The following DCC variants were observed in gnomAD, a reference collection of about 807,000 sequenced individuals.
The protein encoded by DCC is DCC netrin 1 receptor.
DCC carries 58 observed loss-of-function variants against 172.5 expected under a neutral mutation model. That is an observed-to-expected ratio of 0.34 (90% confidence interval 0.27 to 0.42). The LOEUF (loss-of-function observed/expected upper bound fraction) is 0.42. Ranked by LOEUF, DCC falls within the 10% of genes least tolerant of loss-of-function variation. The pLI is 1.00. For synonymous variants in DCC, 709 were observed against 644.5 expected, an observed-to-expected ratio of 1.10 and a Z score of -1.52; for missense variants, 1,740 against 1,791.0, an observed-to-expected ratio of 0.97 and a Z score of 0.51.
chr18:53,404,750 A>T (rs1972043), intron 19 of DCC, among the ~76,000 whole-genome samples: 63,641 of 140,128 alleles, frequency 0.45, 15,188 homozygotes, highest in Non-Finnish European at 0.6. Context: ...AAAATAAAAT[A>T]AAAAATTAAA....
intron 1 of DCC, among the ~76,000 whole-genome samples, chr18:52,691,750 A>G (rs2035932780): frequency 6.6e-6 from 1 of 152,152 alleles, no homozygotes; most frequent in Non-Finnish European, 1.5e-5. Context: ...TAGAAACACC[A>G]TTGTACGGGG....
intron 5 of DCC, among the ~76,000 whole-genome samples, chr18:52,976,726 CT>C (rs1358563750): frequency 6.6e-6 from 1 of 152,194 alleles, no homozygotes; most frequent in Non-Finnish European, 1.5e-5. Context: ...TTTCTTCCCC[CT>C]GAGGATATTC....
intron 1 of DCC, among the ~76,000 whole-genome samples, chr18:52,456,949 G>T (rs1294371752): frequency 6.7e-6 from 1 of 148,414 alleles, no homozygotes; most frequent in Non-Finnish European, 1.5e-5. Context: ...TTTCATACTT[G>T]TTTTTTTTTT....
intron 26 of DCC, among the ~76,000 whole-genome samples, chr18:53,495,389 CAAAAAAA>C (rs71179511): frequency 4.3e-5 from 5 of 116,690 alleles, no homozygotes; most frequent in South Asian, 6.0e-4. Context: ...GACTCCATCT[CAAAAAAA>C]AAAAAAAAAA....
intron 1 of DCC, among the ~76,000 whole-genome samples, chr18:52,658,615 G>A (rs987983283): frequency 6.6e-6 from 1 of 152,036 alleles, no homozygotes; most frequent in Non-Finnish European, 1.5e-5. Context: ...AATATGATGA[G>A]ATTAAAAGGT....
intron 1 of DCC, among the ~76,000 whole-genome samples, chr18:52,734,937 G>A (rs1283305544): frequency 6.6e-6 from 1 of 152,120 alleles, no homozygotes; most frequent in Non-Finnish European, 1.5e-5. Flanking sequence ...TGACATAAAT[G>A]TTTGAAAGCC....
chr18:53,304,803 TAAA>T (rs2057180229), intron 12 of DCC, among the ~76,000 whole-genome samples: 1 of 152,198 alleles, frequency 6.6e-6, no homozygotes, highest in Admixed American at 6.5e-5. Context: ...TATTGTCTCT[TAAA>T]AACGTATTTA....
chr18:52,557,634 T>A (rs2032945218), intron 1 of DCC, among the ~76,000 whole-genome samples: 1 of 152,226 alleles, frequency 6.6e-6, no homozygotes, highest in Non-Finnish European at 1.5e-5. Flanking sequence ...TCTGAATTCA[T>A]TCATTCCACA....
At chr18:52,348,795 A>T (rs1983991159) in intron 1 of DCC, among the ~76,000 whole-genome samples, 1 of 152,194 alleles carries the variant, frequency 6.6e-6, no homozygotes, top group African/African-American at 2.4e-5. Context: ...GCACCTTCCC[A>T]AAATGTACAC....
intron 7 of DCC, among the ~76,000 whole-genome samples, chr18:53,107,647 C>T (rs140432960): frequency 6.6e-6 from 1 of 151,382 alleles, no homozygotes; most frequent in African/African-American, 2.4e-5. Context: ...AGGGAGATGA[C>T]CTGATTAAGA....
intron 1 of DCC, among the ~76,000 whole-genome samples, chr18:52,691,579 G>C (rs939940968): frequency 1.3e-5 from 2 of 152,024 alleles, no homozygotes; most frequent in African/African-American, 2.4e-5. Flanking sequence ...AATCTCAGGG[G>C]GGCTTCTTCC....
chr18:52,671,497 C>T (rs368536485), intron 1 of DCC, among the ~76,000 whole-genome samples: 19 of 151,326 alleles, frequency 1.3e-4, no homozygotes, highest in African/African-American at 2.4e-4. Context: ...CTTTTTTCCC[C>T]GTCACAATAG....
intron 5 of DCC, among the ~76,000 whole-genome samples, chr18:52,955,059 T>C (rs1428453072): frequency 6.6e-6 from 1 of 152,160 alleles, no homozygotes; most frequent in East Asian, 1.9e-4. Context: ...GAGACATGAT[T>C]ATCACCCAAG....
At chr18:53,452,890 GGTTTGTTTGTTT>G (rs10553364) in intron 23 of DCC, among the ~76,000 whole-genome samples, 21 of 150,294 alleles carry the variant, frequency 1.4e-4, no homozygotes, top group Admixed American at 2.0e-4. Flanking sequence ...AGTTTAGTGG[GGTTTGTTTGTTT>G]GTTTGTTTGT....
At position 53,354,973 on chromosome 18, in the gene DCC, G is replaced by A. The variant is rs553098887; in HGVS notation, c.2359+15066G>A. Among the ~76,000 whole-genome samples the A allele has an allele frequency of 1.3e-3, 199 of 151,926 alleles. 1 individual carries two copies. The South Asian group carries it at 0.015, about 11-fold the overall frequency. ...TGTATAAGGTGTAAGGAAGGGATCC[G>A]GTTTCAGCTTTCTACATATGGCTAG... On this transcript the variant is annotated intron_variant, in intron 15 of 28. Transcript: ENST00000442544.
At chr18:53,207,565 G>A (rs1038815641) in intron 10 of DCC, 114 bp from the exon 11 acceptor site, 154 of 1,004,956 alleles carry the variant, frequency 1.5e-4, no homozygotes, top group Non-Finnish European at 2.3e-4. Context: ...TCATTAGAAG[G>A]CTGGAGTGTA....
intron 1 of DCC, among the ~76,000 whole-genome samples, chr18:52,628,407 C>T (rs1231291865): frequency 1.3e-5 from 2 of 152,156 alleles, no homozygotes; most frequent in African/African-American, 4.8e-5. Context: ...CATGTCATTG[C>T]TTTCCTGGGT....
intron 2 of DCC, among the ~76,000 whole-genome samples, chr18:52,797,980 G>T (rs1462281830): frequency 6.7e-6 from 1 of 148,556 alleles, no homozygotes; most frequent in Non-Finnish European, 1.5e-5. Flanking sequence ...CACTGGACCT[G>T]TTAGACCTCC....
At chr18:52,706,189 C>A (rs1394576368) in intron 1 of DCC, among the ~76,000 whole-genome samples, 1 of 151,560 alleles carries the variant, frequency 6.6e-6, no homozygotes, top group Non-Finnish European at 1.5e-5. Flanking sequence ...GTGGATAATT[C>A]TATTAAAAAA....
Sources: gnomAD v4.1 joint callset for allele counts (sites outside exome capture counted in the v4.1 genomes callset) on GRCh38, gnomAD v4.1.1 for gene constraint, MANE v1.5 for transcripts, NCBI Gene and HGNC (gene_info 2026-07-23, HGNC 2026-07-21) for gene names.